The following ARHGAP10 variants were observed in gnomAD, a reference collection of about 807,000 sequenced individuals.
The protein encoded by ARHGAP10 is rho GTPase-activating protein 10.
A neutral mutation model predicts 108.6 loss-of-function variants in ARHGAP10; 87 were observed. That is an observed-to-expected ratio of 0.80 (90% CI 0.67 to 0.96). ARHGAP10 has a LOEUF of 0.96. Ranked by LOEUF, ARHGAP10 falls within the 40% of genes least tolerant of loss-of-function variation. The probability of loss-of-function intolerance (pLI) is 0.00; values close to 1 mark genes in which losing one functional copy is unlikely to be tolerated. For missense variants in ARHGAP10, 939 were observed against 954.5 expected (o/e 0.98, Z 0.21); for synonymous variants, 347 against 341.1 (o/e 1.02, Z -0.19).
intron 3 of ARHGAP10, among the ~76,000 whole-genome samples, chr4:147,833,798 C>T (rs755422644): frequency 6.6e-6 from 1 of 151,944 alleles, no homozygotes; most frequent in Non-Finnish European, 1.5e-5. Flanking sequence ...TGATTAGATT[C>T]AATGATATAT....
chr4:148,026,527 T>A (rs1727857316), intron 19 of ARHGAP10, among the ~76,000 whole-genome samples: 2 of 152,230 alleles, frequency 1.3e-5, no homozygotes, highest in Admixed American at 1.3e-4. Flanking sequence ...TGCTCATTAT[T>A]TTTCTTTGCA....
chr4:147,828,413 T>C (rs910329269), intron 3 of ARHGAP10, among the ~76,000 whole-genome samples: 1 of 152,238 alleles, frequency 6.6e-6, no homozygotes, highest in African/African-American at 2.4e-5. Context: ...TTAAATAGGC[T>C]GTATTAAGTA....
chr4:148,026,000 G>A (rs567781181), intron 19 of ARHGAP10, among the ~76,000 whole-genome samples: 1 of 152,220 alleles, frequency 6.6e-6, no homozygotes, highest in East Asian at 1.9e-4. Flanking sequence ...TCATTGTAGT[G>A]TAAGTTAATT....
rs56946602 is a variant in ARHGAP10 at position 147,830,512 on chromosome 4, C to CT, written c.312+7578dup. ...TTTTAAATGGTCAAAACCACAATTC[C>CT]TTTTTTTTTTTTTTTTTTTTTTTGA... On this transcript the variant is annotated intron_variant, in intron 3 of 22. Coordinates refer to ENST00000336498, the MANE Select transcript of ARHGAP10 (RefSeq NM_024605.4). Among the ~76,000 whole-genome samples the CT allele has an allele frequency of 8.2e-3, 836 of 102,200 alleles. 9 individuals are homozygous for CT. The highest frequency in any genetic ancestry group is 0.039 in the South Asian group (125 of 3,192). The allele number at this position is 102,200 out of a possible 152,430, so 67.0% of individuals were successfully genotyped here. A position where few individuals can be genotyped will look rare whatever the true frequency, so the allele number is the denominator to read the frequency against.
At chr4:147,778,522 G>A (rs1295780092) in intron 1 of ARHGAP10, among the ~76,000 whole-genome samples, 1 of 152,124 alleles carries the variant, frequency 6.6e-6, no homozygotes, top group East Asian at 1.9e-4. Flanking sequence ...GTCTTTCACA[G>A]CCCTTTTTCA....
At chr4:147,846,965 T>C (rs892413278) in intron 3 of ARHGAP10, among the ~76,000 whole-genome samples, 186 bp from the exon 4 acceptor site, 1 of 152,188 alleles carries the variant, frequency 6.6e-6, no homozygotes, top group African/African-American at 2.4e-5. Context: ...CCTGAAAATA[T>C]TTATGGAGTT....
rs745679134 is a variant in ARHGAP10, at chr4:147,946,556, A to T, written c.1304-61A>T. On this transcript the variant is annotated intron_variant, in intron 14 of 22. Transcript: ENST00000336498. Reference sequence around the variant, plus strand: ...TAAAAATGGAAGCTTTGTGAGCTAGACAAGAGGACCTTTGATGATCAAGGT... The same window carrying T: ...TAAAAATGGAAGCTTTGTGAGCTAGTCAAGAGGACCTTTGATGATCAAGGT... 39 of 1,445,430 alleles carry T rather than the reference A, an allele frequency of 2.7e-5. No individual in the cohort carries two copies. The African/African-American group carries it at 5.3e-4, about 20-fold the overall frequency. 89.5% of individuals were successfully genotyped at this position (1,445,430 alleles called of 1,614,324 possible).
chr4:147,814,778 A>T (rs1732164872), intron 1 of ARHGAP10, among the ~76,000 whole-genome samples: 1 of 152,136 alleles, frequency 6.6e-6, no homozygotes, highest in South Asian at 2.1e-4. Flanking sequence ...TTCTTTTTAT[A>T]AGAACACAAG....
chr4:148,021,891 A>AT (rs1211146578), intron 18 of ARHGAP10, among the ~76,000 whole-genome samples: 1 of 152,216 alleles, frequency 6.6e-6, no homozygotes, highest in Non-Finnish European at 1.5e-5. Flanking sequence ...AACTTAAATC[A>AT]TTTTTTAAAA....
At chr4:147,819,927 C>T (rs1197750719) in intron 1 of ARHGAP10, among the ~76,000 whole-genome samples, 1 of 152,136 alleles carries the variant, frequency 6.6e-6, no homozygotes, top group Non-Finnish European at 1.5e-5. Context: ...TGACAGCCGT[C>T]GCTTCAGGGA....
chr4:147,984,427 T>TGTG (rs1420271399), intron 18 of ARHGAP10, among the ~76,000 whole-genome samples: 1 of 152,260 alleles, frequency 6.6e-6, no homozygotes, highest in African/African-American at 2.4e-5. Flanking sequence ...GTTCCAGGGC[T>TGTG]GTGGTGGTGC....
chr4:147,872,438 A>G (rs1429392227), intron 7 of ARHGAP10, among the ~76,000 whole-genome samples: 2 of 152,228 alleles, frequency 1.3e-5, no homozygotes, highest in South Asian at 2.1e-4. Context: ...TTTCAAATAT[A>G]TAGGTAGATA....
intron 3 of ARHGAP10, among the ~76,000 whole-genome samples, chr4:147,835,281 A>T (rs771116623): frequency 7.9e-5 from 12 of 152,086 alleles, no homozygotes; most frequent in Non-Finnish European, 1.8e-4. Context: ...TTTTCTCTTA[A>T]CCCGTGCATC....
chr4:147,741,788 ACACG>A (rs1289937188), intron 1 of ARHGAP10, among the ~76,000 whole-genome samples: 836 of 20,032 alleles, frequency 0.042, 15 homozygotes, highest in African/African-American at 0.087. Context: ...ACACACACAC[ACACG>A]CACACACACA....
chr4:147,821,170 G>T (rs1732485334), intron 1 of ARHGAP10, among the ~76,000 whole-genome samples: 1 of 152,172 alleles, frequency 6.6e-6, no homozygotes, highest in Admixed American at 6.5e-5. Context: ...GAAGGACTGA[G>T]GGTTCCATGA....
At chr4:147,744,223 A>AG (rs1262243089) in intron 1 of ARHGAP10, among the ~76,000 whole-genome samples, 3 of 152,216 alleles carry the variant, frequency 2.0e-5, no homozygotes, top group African/African-American at 7.2e-5. Flanking sequence ...GACCAAAAGG[A>AG]GGGATCAGAG....
Position 147,864,827 on chromosome 4 carries a change from C to G in ARHGAP10, c.487-19C>G. On this transcript the variant is annotated intron_variant, in intron 5 of 22. Coordinates refer to ENST00000336498, the MANE Select transcript of ARHGAP10 (RefSeq NM_024605.4). ...TTTCACCATCTCCAGTTTGACTAACCTCTGTGATTTTAACATAGGCAGATA... is the reference window on the plus strand; with the variant it reads ...TTTCACCATCTCCAGTTTGACTAACGTCTGTGATTTTAACATAGGCAGATA... 1 of 1,606,608 alleles carries G rather than the reference C, an allele frequency of 6.2e-7. No individual in the cohort carries two copies. The highest frequency in any genetic ancestry group is 8.5e-7 in the Non-Finnish European group (1 of 1,174,462).
At chr4:147,914,237 T>C (rs1160569615) in intron 13 of ARHGAP10, among the ~76,000 whole-genome samples, 1 of 152,250 alleles carries the variant, frequency 6.6e-6, no homozygotes, top group Non-Finnish European at 1.5e-5. Context: ...GAGTTTTGAA[T>C]TGAAAACATA....
Position 147,966,845 on chromosome 4 carries a change from A to ATT in ARHGAP10, c.1716+15_1716+16dup. ...TAATTGAAAACCATGAAAAGGTAAA[A>ATT]TTTTTTTTTTCTTTAAGAGACTTTG... On this transcript the variant is annotated splice_region_variant and intron_variant, in intron 18 of 22. Coordinates refer to ENST00000336498, the MANE Select transcript of ARHGAP10 (RefSeq NM_024605.4). The ATT allele has an allele frequency of 6.6e-6, 10 of 1,515,756 alleles. No individual in the cohort carries two copies. The highest frequency in any genetic ancestry group is 5.1e-5 in the South Asian group (4 of 78,642). 93.9% of individuals were successfully genotyped at this position (1,515,756 alleles called of 1,614,324 possible).
Sources: gnomAD v4.1 joint callset for allele counts (sites outside exome capture counted in the v4.1 genomes callset) on GRCh38, gnomAD v4.1.1 for gene constraint, MANE v1.5 for transcripts, NCBI Gene and HGNC (gene_info 2026-07-23, HGNC 2026-07-21) for gene names.